PPM1L: variants seen among roughly 807,000 people sequenced by gnomAD.
The protein encoded by PPM1L is protein phosphatase 1L.
In PPM1L, 13 loss-of-function variants were observed where a neutral mutation model predicts 31.4. The observed-to-expected ratio is 0.41, with a 90% CI of 0.27 to 0.66. The LOEUF (loss-of-function observed/expected upper bound fraction) is 0.66. Among genes scored for constraint, PPM1L ranks in the 30% least tolerant of loss-of-function variants. The pLI, the probability that PPM1L is intolerant of heterozygous loss-of-function variation, is 0.29. For missense variants in PPM1L, 326 were observed against 453.7 expected (o/e 0.72, Z 2.56); for synonymous variants, 184 against 175.4 (o/e 1.05, Z -0.39).
chr3:160,843,426 T>TATATATA (rs1713958611), intron 1 of PPM1L, among the ~76,000 whole-genome samples: 6 of 47,532 alleles, frequency 1.3e-4, no homozygotes, highest in South Asian at 1.0e-3. Context: ...GGCAATTCTT[T>TATATATA]TATATATATA....
rs564503487 is a variant in PPM1L at position 161,000,959 on chromosome 3, A to G, written c.574+39049A>G. The stretch of plus-strand genomic sequence containing the variant: ...AGGAAACAGAACACCAGATCATTGA[A>G]GATTTAATTTTAATTCCTAAGATTC... On this transcript the variant is annotated intron_variant, in intron 2 of 3. Coordinates refer to ENST00000498165, the MANE Select transcript of PPM1L (RefSeq NM_139245.4). Among the ~76,000 whole-genome samples the G allele has an allele frequency of 4.8e-4, 73 of 152,332 alleles. 1 individual carries two copies. The highest frequency in any genetic ancestry group is 1.2e-3 in the South Asian group (6 of 4,830).
chr3:160,901,011 C>G (rs893041133), intron 1 of PPM1L, among the ~76,000 whole-genome samples: 2 of 152,096 alleles, frequency 1.3e-5, no homozygotes, highest in African/African-American at 4.8e-5. Flanking sequence ...TCAATGGACA[C>G]TATTTCTTGA....
chr3:160,760,677 C>T (rs1200064093), intron 1 of PPM1L, among the ~76,000 whole-genome samples: 1 of 148,340 alleles, frequency 6.7e-6, no homozygotes, highest in Non-Finnish European at 1.5e-5. Context: ...TGTTTTTGTG[C>T]TTACTTGTAA....
intron 2 of PPM1L, among the ~76,000 whole-genome samples, chr3:160,982,198 C>A (rs1716822470): frequency 6.6e-6 from 1 of 152,192 alleles, no homozygotes; most frequent in South Asian, 2.1e-4. Context: ...GTGTACATTT[C>A]ATCTCTCCAG....
At chr3:161,011,064 TG>T (rs1350325937) in intron 2 of PPM1L, among the ~76,000 whole-genome samples, 1 of 152,216 alleles carries the variant, frequency 6.6e-6, no homozygotes, top group African/African-American at 2.4e-5. Context: ...CCATTGCTTT[TG>T]GTGTTTCAGA....
intron 1 of PPM1L, among the ~76,000 whole-genome samples, chr3:160,816,081 A>G (rs976871436): frequency 1.3e-5 from 2 of 152,154 alleles, no homozygotes; most frequent in African/African-American, 2.4e-5. Context: ...TTTTCCATAG[A>G]TCTCTTAATT....
At chr3:160,961,695 T>C (rs1715968959) in intron 1 of PPM1L, 41 bp from the exon 2 acceptor site, 1 of 1,532,328 alleles carries the variant, frequency 6.5e-7, no homozygotes, top group Non-Finnish European at 8.7e-7. Context: ...AAGGGGAGAA[T>C]TTCTAATGGA....
rs1553748209 is a variant in PPM1L, at chr3:160,944,865, A to AT, written c.400-16871_400-16870insT. Among the ~76,000 whole-genome samples the AT allele has an allele frequency of 2.2e-4, 9 of 40,996 alleles. 2 individuals carry two copies. The highest frequency in any genetic ancestry group is 1.2e-3 in the South Asian group (2 of 1,632). The allele number at this position is 40,996 out of a possible 152,430, so 26.9% of individuals were successfully genotyped here. On this transcript the variant is annotated intron_variant, in intron 1 of 3. Transcript: ENST00000498165. The stretch of plus-strand genomic sequence containing the variant: ...GTTATATATAACATATATTATATAT[A>AT]ATGTTATATATAACATATATATTAT...
chr3:160,897,410 C>T (rs771474062), intron 1 of PPM1L, among the ~76,000 whole-genome samples: 1 of 152,122 alleles, frequency 6.6e-6, no homozygotes, highest in Non-Finnish European at 1.5e-5. Context: ...ACTAGGTGGT[C>T]CCCCTTCACT....
intron 1 of PPM1L, among the ~76,000 whole-genome samples, chr3:160,923,732 A>G (rs1006250207): frequency 3.9e-5 from 6 of 152,190 alleles, no homozygotes; most frequent in African/African-American, 1.2e-4. Context: ...CAGACAGTGT[A>G]GGATGCTACT....
chr3:160,921,130 G>A (rs931435675), intron 1 of PPM1L, among the ~76,000 whole-genome samples: 9 of 152,052 alleles, frequency 5.9e-5, no homozygotes, highest in Non-Finnish European at 7.4e-5. Context: ...TTCCTGTAAA[G>A]AATAACAGAA....
chr3:160,951,433 A>G (rs1299231507), intron 1 of PPM1L, among the ~76,000 whole-genome samples: 1 of 152,188 alleles, frequency 6.6e-6, no homozygotes, highest in Non-Finnish European at 1.5e-5. Flanking sequence ...GTAGGTTTTG[A>G]TCGAAATAAT....
chr3:160,791,438 G>A (rs191406940), intron 1 of PPM1L, among the ~76,000 whole-genome samples: 1 of 152,216 alleles, frequency 6.6e-6, no homozygotes, highest in African/African-American at 2.4e-5. Flanking sequence ...GTCTTAGTAA[G>A]TTTATTTCTC....
chr3:160,780,790 T>C (rs1372272902), intron 1 of PPM1L, among the ~76,000 whole-genome samples: 13 of 152,226 alleles, frequency 8.5e-5, no homozygotes, highest in Admixed American at 8.5e-4. Context: ...GCAGTTCCTG[T>C]CAGGCAGATA....
At chr3:161,038,585 TAAAAAAAAA>T (rs35502476) in intron 2 of PPM1L, among the ~76,000 whole-genome samples, 18,395 of 110,690 alleles carry the variant, frequency 0.17, 1,930 homozygotes, top group African/African-American at 0.32. Flanking sequence ...GGATTTGTTT[TAAAAAAAAA>T]AAAAAAAAAA....
chr3:160,784,147 A>G (rs1406396743), intron 1 of PPM1L, among the ~76,000 whole-genome samples: 5 of 152,208 alleles, frequency 3.3e-5, no homozygotes, highest in Admixed American at 3.3e-4. Flanking sequence ...TCATAATGCT[A>G]TACTTGCTTT....
At chr3:160,910,192 C>CCCT (rs1713906506) in intron 1 of PPM1L, among the ~76,000 whole-genome samples, 2 of 140,884 alleles carry the variant, frequency 1.4e-5, no homozygotes, top group Non-Finnish European at 3.1e-5. Flanking sequence ...TCCCCTTCCC[C>CCCT]TTCCCCTTCC....
chr3:161,007,161 T>G (rs1018906635), intron 2 of PPM1L, among the ~76,000 whole-genome samples: 1 of 152,162 alleles, frequency 6.6e-6, no homozygotes, highest in African/African-American at 2.4e-5. Flanking sequence ...TATATTCTAA[T>G]GGAGGGGGCA....
chr3:160,866,788 T>C (rs904520923), intron 1 of PPM1L, among the ~76,000 whole-genome samples: 13 of 152,244 alleles, frequency 8.5e-5, no homozygotes, highest in Non-Finnish European at 1.9e-4. Context: ...CTCTTTGTAA[T>C]TCATAATCTC....
Sources: gnomAD v4.1 joint callset for allele counts (sites outside exome capture counted in the v4.1 genomes callset) on GRCh38, gnomAD v4.1.1 for gene constraint, MANE v1.5 for transcripts, NCBI Gene and HGNC (gene_info 2026-07-23, HGNC 2026-07-21) for gene names.